The following MYO5B variants were observed in gnomAD, a reference collection of about 807,000 sequenced individuals.
MYO5B encodes unconventional myosin-Vb.
A neutral mutation model predicts 229.3 loss-of-function variants in MYO5B; 143 were observed. That is an observed-to-expected ratio of 0.62 (90% CI 0.54 to 0.72). The LOEUF (loss-of-function observed/expected upper bound fraction) is 0.72, where lower values mean the gene tolerates loss of function less well. Ranked by LOEUF, MYO5B falls within the 30% of genes least tolerant of loss-of-function variation. The pLI is 0.00. For missense variants in MYO5B, 2,321 were observed against 2,331.0 expected, an observed-to-expected ratio of 1.00 and a Z score of 0.09; for synonymous variants, 918 against 885.2, an observed-to-expected ratio of 1.04 and a Z score of -0.66.
intron 4 of MYO5B, among the ~76,000 whole-genome samples, chr18:50,008,361 G>A (rs1332449324): frequency 6.6e-6 from 1 of 152,182 alleles, no homozygotes; most frequent in Non-Finnish European, 1.5e-5. Flanking sequence ...GGACTTGGAT[G>A]AGTGGTCTGG....
At chr18:49,915,764 G>A (rs142736757) in intron 17 of MYO5B, among the ~76,000 whole-genome samples, 186 of 152,308 alleles carry the variant, frequency 1.2e-3, no homozygotes, top group Non-Finnish European at 2.3e-3. Context: ...ACAACTTAAT[G>A]CCGGAACCCT....
At chr18:49,978,694 T>TAC (rs10527520) in intron 9 of MYO5B, among the ~76,000 whole-genome samples, 4,385 of 139,022 alleles carry the variant, frequency 0.032, 80 homozygotes, top group African/African-American at 0.051. Flanking sequence ...CAGCAAGTAA[T>TAC]ACACACACAC....
At chr18:50,107,174 G>A (rs147767771) in intron 1 of MYO5B, among the ~76,000 whole-genome samples, 1 of 129,032 alleles carries the variant, frequency 7.8e-6, no homozygotes, top group East Asian at 2.5e-4. Context: ...GGTTGGAGTA[G>A]AGTGGCACGA....
At chr18:50,005,782 C>T (rs2026094779) in intron 4 of MYO5B, among the ~76,000 whole-genome samples, 1 of 152,166 alleles carries the variant, frequency 6.6e-6, no homozygotes, top group African/African-American at 2.4e-5. Context: ...GATGACCACA[C>T]ACTTTCCCAC....
intron 1 of MYO5B, chr18:50,097,187 C>T (rs2031567675): frequency 4.4e-6 from 2 of 455,218 alleles, no homozygotes; most frequent in Non-Finnish European, 4.4e-6. Flanking sequence ...TTCCTCCCAT[C>T]CCCATTCCCC....
chr18:50,114,208 A>G (rs192754386), intron 1 of MYO5B, among the ~76,000 whole-genome samples: 8 of 152,374 alleles, frequency 5.3e-5, no homozygotes, highest in Admixed American at 4.6e-4. Context: ...AAAGAAAAAA[A>G]TTAAAAAAGG....
intron 1 of MYO5B, among the ~76,000 whole-genome samples, chr18:50,085,391 C>T (rs1366015019): frequency 2.6e-5 from 4 of 151,876 alleles, no homozygotes; most frequent in Non-Finnish European, 4.4e-5. Context: ...GTTAGAACGG[C>T]GAACATTAAA....
intron 21 of MYO5B, among the ~76,000 whole-genome samples, chr18:49,898,243 T>A (rs1159433159): frequency 6.6e-6 from 1 of 152,200 alleles, no homozygotes; most frequent in Non-Finnish European, 1.5e-5. Context: ...ATGACATATA[T>A]GCATGATTAC....
At chr18:50,192,111 T>C (rs541282121) in intron 1 of MYO5B, among the ~76,000 whole-genome samples, 6 of 152,010 alleles carry the variant, frequency 3.9e-5, no homozygotes, top group Admixed American at 2.6e-4. Context: ...TGTGCCCTAA[T>C]TGAAGAGGGC....
chr18:50,127,803 G>C (rs990144821), intron 1 of MYO5B, among the ~76,000 whole-genome samples: 1 of 152,228 alleles, frequency 6.6e-6, no homozygotes, highest in Non-Finnish European at 1.5e-5. Context: ...TGAGTCAGTC[G>C]ACTGAGTAAA....
At chr18:50,105,488 C>T (rs550058282) in intron 1 of MYO5B, among the ~76,000 whole-genome samples, 4 of 152,236 alleles carry the variant, frequency 2.6e-5, no homozygotes, top group East Asian at 1.9e-4. Context: ...ATGGGAAAAC[C>T]GCACTCCACG....
At chr18:49,891,152 T>A (rs1213278900) in intron 22 of MYO5B, among the ~76,000 whole-genome samples, 1 of 152,140 alleles carries the variant, frequency 6.6e-6, no homozygotes, top group African/African-American at 2.4e-5. Flanking sequence ...GAGCACCTCA[T>A]TGGTCCTCAC....
intron 29 of MYO5B, among the ~76,000 whole-genome samples, chr18:49,861,743 A>AC (rs565453595): frequency 1.4e-4 from 21 of 151,206 alleles, no homozygotes; most frequent in South Asian, 6.3e-4. Flanking sequence ...AAGCTGTTCC[A>AC]CCCCCCCGGG....
In MYO5B at chr18:49,912,186, C is replaced by CA; in HGVS notation, c.2091-14dup. The CA allele has an allele frequency of 1.2e-6, 2 of 1,606,278 alleles. No homozygotes were observed. Among genetic ancestry groups the CA allele is most frequent in the Non-Finnish European group, 1.7e-6 (2 of 1,173,358 alleles). On this transcript the variant is annotated splice_polypyrimidine_tract_variant and intron_variant, in intron 17 of 39. Transcript: ENST00000285039. ...ATGGTAGGCCCACCTGGAGGGAAAG[C>CA]AAAGGGGCATCAGGTGACACATCCT...
chr18:49,956,374 T>G (rs982576475), intron 12 of MYO5B, among the ~76,000 whole-genome samples: 2 of 152,186 alleles, frequency 1.3e-5, no homozygotes, highest in African/African-American at 4.8e-5. Context: ...CAAGGTCACA[T>G]AATGGGGAAG....
chr18:49,936,394 G>C (rs1460168483), intron 15 of MYO5B, 45 bp from the exon 16 acceptor site: 1 of 1,394,576 alleles, frequency 7.2e-7, no homozygotes. Context: ...AACAAGTCGT[G>C]GATGTGTGAT....
intron 27 of MYO5B, among the ~76,000 whole-genome samples, chr18:49,866,312 G>C (rs1256832624): frequency 1.3e-5 from 2 of 151,572 alleles, no homozygotes; most frequent in African/African-American, 4.8e-5. Flanking sequence ...CTCGTGATCC[G>C]CCCACCTCGG....
intron 1 of MYO5B, among the ~76,000 whole-genome samples, chr18:50,094,985 A>G (rs888326248): frequency 2.0e-5 from 3 of 152,058 alleles, no homozygotes; most frequent in Non-Finnish European, 4.4e-5. Flanking sequence ...GCACCACTGC[A>G]TCTGGCTAAT....
chr18:50,043,226 A>G (rs947019693), intron 2 of MYO5B, among the ~76,000 whole-genome samples: 9 of 140,468 alleles, frequency 6.4e-5, no homozygotes, highest in African/African-American at 2.4e-4. Context: ...GTGTGTGTGT[A>G]TATATACACA....
Sources: allele counts gnomAD v4.1 joint callset (sites outside exome capture counted in the v4.1 genomes callset), GRCh38; gene constraint gnomAD v4.1.1; transcripts MANE v1.5; gene names NCBI Gene and HGNC (gene_info 2026-07-23, HGNC 2026-07-21).